Variants in IGSF3 observed in about 807,000 individuals in gnomAD.
The protein encoded by IGSF3 is immunoglobulin superfamily member 3, also known as glu-Trp-Ile EWI motif-containing protein 3.
A neutral mutation model predicts 114.4 loss-of-function variants in IGSF3; 23 were observed. The observed-to-expected ratio is 0.20, with a 90% CI of 0.14 to 0.28. IGSF3 has a LOEUF of 0.28. Among genes scored for constraint, IGSF3 ranks in the 10% least tolerant of loss-of-function variants. The pLI is 1.00. For missense variants in IGSF3, 1,172 were observed against 1,591.5 expected, an observed-to-expected ratio of 0.74 and a Z score of 4.48; for synonymous variants, 571 against 645.2, an observed-to-expected ratio of 0.88 and a Z score of 1.74.
rs1306318245 is a variant in IGSF3, at chr1:116,596,280, G to C, written c.2029+3661C>G. The stretch of plus-strand genomic sequence containing the variant: ...TTCCTATTTGATTCTGATGGAATAA[G>C]AATATTTAACACAATATTCTTTAAA... On this transcript the variant is annotated intron_variant, in intron 7 of 10. Transcript: ENST00000369486. The surrounding 1 kb of genome is among the most constrained non-coding windows in gnomAD (Gnocchi z 4.1). Among the ~76,000 whole-genome samples the C allele has an allele frequency of 1.3e-5, 2 of 152,204 alleles. No homozygotes were observed. The highest frequency in any genetic ancestry group is 3.8e-4 in the East Asian group (2 of 5,200).
intron 2 of IGSF3, among the ~76,000 whole-genome samples, chr1:116,626,352 G>A (rs897546340): frequency 4.0e-5 from 6 of 150,636 alleles, no homozygotes; most frequent in African/African-American, 1.2e-4. Flanking sequence ...CTTTCATTGA[G>A]TTATGATCCT....
intron 2 of IGSF3, among the ~76,000 whole-genome samples, chr1:116,659,391 T>A (rs1315647814): frequency 6.6e-6 from 1 of 152,096 alleles, no homozygotes; most frequent in Admixed American, 6.6e-5. Context: ...AAAGGGTTCT[T>A]GATGAGAGAA....
In IGSF3 at chr1:116,596,435, C is replaced by T. The variant is rs1660349968; in HGVS notation, c.2029+3506G>A. ...CGCTGGTTCGGAGCTCTGGTATCCGCAAGTCTTAGAGCCACCTTGTGGCAG... is the reference window on the plus strand; with the variant it reads ...CGCTGGTTCGGAGCTCTGGTATCCGTAAGTCTTAGAGCCACCTTGTGGCAG... On this transcript the variant is annotated intron_variant, in intron 7 of 10. Transcript: ENST00000369486. The surrounding 1 kb of genome is among the most constrained non-coding windows in gnomAD (Gnocchi z 4.1). Among the ~76,000 whole-genome samples, 2 of 152,128 alleles carry T rather than the reference C, an allele frequency of 1.3e-5. No homozygotes were observed. Among genetic ancestry groups the T allele is most frequent in the Admixed American group, 1.3e-4 (2 of 15,284 alleles).
chr1:116,603,989 C>T lies in IGSF3; in HGVS notation c.1259G>A (p.Ser420Asn). 1 of 1,610,832 alleles carries T rather than the reference C, an allele frequency of 6.2e-7. No homozygotes were observed. The highest frequency in any genetic ancestry group is 8.5e-7 in the Non-Finnish European group (1 of 1,179,782). ...SISVEVASNA[S>N]VILEGEDLRF... is the part of the protein sequence containing the mutation. ...CAGGTCCTCGCCCTCAAGGATGACG[C>T]TGGCATTGCTGGCCACCTCCACGGA... The change falls in exon 6 of 11, where the codon AGC becomes AAC. Residue 420 changes from serine (S) to asparagine (N), a missense_variant. Ser to Asn is a conservative substitution (Grantham distance 46, BLOSUM62 1). This residue lies in a region of IGSF3 where 736 missense variants were observed against 1,042.0 expected (regional missense o/e 0.71). Transcript: ENST00000369486. The surrounding 1 kb of genome is among the most constrained non-coding windows in gnomAD (Gnocchi z 7.1).
intron 4 of IGSF3, among the ~76,000 whole-genome samples, chr1:116,611,037 C>CTTT (rs1661000989): frequency 6.6e-6 from 1 of 152,238 alleles, no homozygotes; most frequent in Non-Finnish European, 1.5e-5. Context: ...TTGGACCCCT[C>CTTT]CTTCCACTTG....
chr1:116,664,590 T>C lies in IGSF3; in HGVS notation c.43+1694A>G, dbSNP rs1422250982. Among the ~76,000 whole-genome samples the C allele has an allele frequency of 6.6e-6, 1 of 152,130 alleles. No individual in the cohort carries two copies. The highest frequency in any genetic ancestry group is 2.4e-5 in the African/African-American group (1 of 41,418). ...TTGTGTCCTGTTGAATCCACATGAA[T>C]CACTAATTGCTGATTTAAACCCAGA... On this transcript the variant is annotated intron_variant, in intron 2 of 10. Coordinates refer to ENST00000369486, the MANE Select transcript of IGSF3 (RefSeq NM_001007237.3). The surrounding 1 kb of genome is among the most constrained non-coding windows in gnomAD (Gnocchi z 4.6).
intron 2 of IGSF3, among the ~76,000 whole-genome samples, chr1:116,656,976 G>A (rs146835993): frequency 0.041 from 6,263 of 152,084 alleles, 430 homozygotes; most frequent in African/African-American, 0.14. Flanking sequence ...ACAAATATAA[G>A]CTACCTCCTG....
rs1649348181 is a variant in IGSF3 at position 116,666,719 on chromosome 1, G to C, written c.-393C>G. The C allele has an allele frequency of 2.0e-6, 1 of 491,280 alleles. No individual in the cohort carries two copies. The highest frequency in any genetic ancestry group is 3.7e-5 in the Admixed American group (1 of 26,962). 30.4% of individuals were successfully genotyped at this position (491,280 alleles called of 1,614,324 possible). On this transcript the variant is annotated 5_prime_UTR_variant, in exon 2 of 11. Transcript: ENST00000369486. ...GAAATGTCCTTGGCTTCTCAGTGAA[G>C]GTGTCTGTGATCTCCCTCATTCGGA...
At position 116,595,314 on chromosome 1, in the gene IGSF3, C is replaced by T. The variant is rs1463809379; in HGVS notation, c.2029+4627G>A. Among the ~76,000 whole-genome samples, 2 of 152,190 alleles carry T rather than the reference C, an allele frequency of 1.3e-5. No individual in the cohort carries two copies. Among genetic ancestry groups the T allele is most frequent in the East Asian group, 3.9e-4 (2 of 5,164 alleles). On this transcript the variant is annotated intron_variant, in intron 7 of 10. Transcript: ENST00000369486. This position sits in a 1 kb window ranked among gnomAD's most constrained non-coding sequence, Gnocchi z 4.2. Reference sequence around the variant, plus strand: ...CCTCTTAGGGCTCTTGCACTGACACCCATTCTATCTTGGCACAGACAACAG... The same window carrying T: ...CCTCTTAGGGCTCTTGCACTGACACTCATTCTATCTTGGCACAGACAACAG...
chr1:116,597,750 A>T (rs1261130415), intron 7 of IGSF3, among the ~76,000 whole-genome samples: 1 of 152,236 alleles, frequency 6.6e-6, no homozygotes, highest in African/African-American at 2.4e-5. Context: ...CAATTATGGT[A>T]TAAAGGAAAA....
rs191689184 is a variant in IGSF3 at position 116,612,533 on chromosome 1, A to G, written c.832+1232T>C. On this transcript the variant is annotated intron_variant, in intron 4 of 10. Coordinates refer to ENST00000369486, the MANE Select transcript of IGSF3 (RefSeq NM_001007237.3). The surrounding 1 kb of genome is among the most constrained non-coding windows in gnomAD (Gnocchi z 4.1). ...ACGAAGCCCCAAAATGTATACTGTT[A>G]GCTGAGTCTGAAGCATTACTCTAGA... Among the ~76,000 whole-genome samples the G allele has an allele frequency of 9.8e-5, 15 of 152,366 alleles. No homozygotes were observed. In the East Asian group the frequency reaches 2.3e-3, roughly 23 times the overall value.
chr1:116,630,598 A>G (rs991589108), intron 2 of IGSF3, among the ~76,000 whole-genome samples: 2 of 152,216 alleles, frequency 1.3e-5, no homozygotes, highest in African/African-American at 4.8e-5. Context: ...CCAAAAATAT[A>G]TATGGTGTCT....
rs1355019555 is a variant in IGSF3 at position 116,584,487 on chromosome 1, AT to A, written c.2848+157del. 2.7e-6 allele frequency: 2 copies of A among 734,560 alleles called. No homozygotes were observed. The highest frequency in any genetic ancestry group is 2.7e-5 in the East Asian group (1 of 36,366). The allele number at this position is 734,560 out of a possible 1,614,324, so 45.5% of individuals were successfully genotyped here. The stretch of plus-strand genomic sequence containing the variant: ...CAATTTTCCATTCACAAGAAAAAAA[AT>A]TCAGGCAATTTTGAATATAAATGCA... On this transcript the variant is annotated intron_variant, in intron 9 of 10. Coordinates refer to ENST00000369486, the MANE Select transcript of IGSF3 (RefSeq NM_001007237.3). The surrounding 1 kb of genome is among the most constrained non-coding windows in gnomAD (Gnocchi z 5.8).
At chr1:116,660,605 G>C (rs1649073302) in intron 2 of IGSF3, among the ~76,000 whole-genome samples, 1 of 150,716 alleles carries the variant, frequency 6.6e-6, no homozygotes, top group African/African-American at 2.4e-5. Context: ...AGCCTTCCGA[G>C]GTGCTGGGAT....
Position 116,666,277 on chromosome 1 carries a change from C to T in IGSF3, c.43+7G>A. 1.9e-6 allele frequency: 3 copies of T among 1,613,582 alleles called. No homozygotes were observed. Among genetic ancestry groups the T allele is most frequent in the Non-Finnish European group, 2.5e-6 (3 of 1,179,510 alleles). ...CATCGATTGCACTGATAAGCAGAGC[C>T]ACTTACCCAGCACAGCCAGACAGCT... On this transcript the variant is annotated splice_region_variant and intron_variant, in intron 2 of 10. Transcript: ENST00000369486.
Position 116,577,213 on chromosome 1 carries a change from A to G in IGSF3, c.*99T>C, listed in dbSNP as rs564932576. 468 of 1,345,424 alleles carry G rather than the reference A, an allele frequency of 3.5e-4. No homozygotes were observed. Among genetic ancestry groups the G allele is most frequent in the Non-Finnish European group, 4.5e-4 (445 of 979,522 alleles). 83.3% of individuals were successfully genotyped at this position (1,345,424 alleles called of 1,614,324 possible). On this transcript the variant is annotated 3_prime_UTR_variant, in exon 11 of 11. Coordinates refer to ENST00000369486, the MANE Select transcript of IGSF3 (RefSeq NM_001007237.3). The surrounding 1 kb of genome is among the most constrained non-coding windows in gnomAD (Gnocchi z 5.7). ...TTTCAAGTCTGACAACTTTCCACAC[A>G]CATGCACCCCAGAGTTTGGGTGCTG... is the stretch of plus-strand genomic sequence containing the variant.
downstream of IGSF3, chr1:116,574,403 A>G: frequency 6.6e-6 from 1 of 152,648 alleles, no homozygotes; most frequent in Non-Finnish European, 1.5e-5. The surrounding 1 kb of genome is among the most constrained non-coding windows in gnomAD (Gnocchi z 5.2). Flanking sequence ...AAATGTAAAC[A>G]GCCGTATTTT....
At position 116,577,639 on chromosome 1, in the gene IGSF3, A is replaced by G; in HGVS notation, c.3335-77T>C. 1 of 1,460,508 alleles carries G rather than the reference A, an allele frequency of 6.8e-7. No homozygotes were observed. The highest frequency in any genetic ancestry group is 1.3e-5 in the South Asian group (1 of 79,470). 90.5% of individuals were successfully genotyped at this position (1,460,508 alleles called of 1,614,324 possible). A position where few individuals can be genotyped will look rare whatever the true frequency, so the allele number is the denominator to read the frequency against. On this transcript the variant is annotated intron_variant, in intron 10 of 10. Transcript: ENST00000369486. This position sits in a 1 kb window ranked among gnomAD's most constrained non-coding sequence, Gnocchi z 5.7. Reference sequence around the variant, plus strand: ...GCTCACATTTCCTTTTGAAGACCTCACCTGACCCAGTGGAAGCTCCTCGGT... The same window carrying G: ...GCTCACATTTCCTTTTGAAGACCTCGCCTGACCCAGTGGAAGCTCCTCGGT...
chr1:116,641,725 A>G (rs1428469774), intron 2 of IGSF3, among the ~76,000 whole-genome samples: 3 of 151,986 alleles, frequency 2.0e-5, no homozygotes, highest in Non-Finnish European at 4.4e-5. Context: ...AAGCCAGGAA[A>G]AGAGATTTTG....
Sources: gnomAD v4.1 joint callset for allele counts (sites outside exome capture counted in the v4.1 genomes callset) on GRCh38, gnomAD v4.1.1 for gene constraint, gnomAD v4.1.1 regional missense constraint, Gnocchi (gnomAD v3.1) non-coding constraint, MANE v1.5 for transcripts, NCBI Gene and HGNC (gene_info 2026-07-23, HGNC 2026-07-21) for gene names.